Variants in RBFOX1 observed in about 807,000 individuals in gnomAD.
RBFOX1 encodes RNA binding fox-1 homolog 1.
Under a neutral mutation model 57.7 loss-of-function variants are expected in RBFOX1, and 8 were observed. The observed-to-expected ratio is 0.14, with a 90% confidence interval of 0.08 to 0.25. RBFOX1 has a LOEUF of 0.25. Among genes scored for constraint, RBFOX1 ranks in the 10% least tolerant of loss-of-function variants. The probability of loss-of-function intolerance (pLI) is 1.00; values close to 1 mark genes in which losing one functional copy is unlikely to be tolerated. For missense variants in RBFOX1, 611 were observed against 548.5 expected, an observed-to-expected ratio of 1.11 and a Z score of -1.14; for synonymous variants, 326 against 222.4, an observed-to-expected ratio of 1.47 and a Z score of -4.15.
intron 3 of RBFOX1, among the ~76,000 whole-genome samples, chr16:5,856,216 T>TAC (rs2057042038): frequency 4.5e-5 from 1 of 22,266 alleles, no homozygotes; most frequent in Non-Finnish European, 1.2e-4. Context: ...TACATATATA[T>TAC]GTATATATAT....
intron 3 of RBFOX1, among the ~76,000 whole-genome samples, chr16:5,828,046 C>T (rs2056135428): frequency 6.6e-6 from 1 of 151,236 alleles, no homozygotes; most frequent in Non-Finnish European, 1.5e-5. Flanking sequence ...TGTATCCATC[C>T]ATCTACCCAC....
At chr16:7,702,484 G>C (rs1438243702) in intron 14 of RBFOX1, among the ~76,000 whole-genome samples, 1 of 152,184 alleles carries the variant, frequency 6.6e-6, no homozygotes, top group Admixed American at 6.5e-5. Context: ...TTAGTGACGA[G>C]TATGGGATGG....
chr16:6,797,017 A>G (rs144853759), intron 3 of RBFOX1, among the ~76,000 whole-genome samples: 4 of 152,276 alleles, frequency 2.6e-5, no homozygotes, highest in South Asian at 2.1e-4. Flanking sequence ...CTAAATGTCA[A>G]GATTTGGACT....
At chr16:5,774,486 C>T (rs1220446760) in intron 3 of RBFOX1, among the ~76,000 whole-genome samples, 1 of 152,210 alleles carries the variant, frequency 6.6e-6, no homozygotes, top group African/African-American at 2.4e-5. Flanking sequence ...GCCTCTCTGG[C>T]TTTCTTCAAT....
intron 2 of RBFOX1, among the ~76,000 whole-genome samples, chr16:6,623,641 G>C (rs1183365674): frequency 6.6e-6 from 1 of 151,184 alleles, no homozygotes; most frequent in Non-Finnish European, 1.5e-5. Flanking sequence ...TCCCCTTCCT[G>C]TGTCCATGTG....
chr16:7,305,142 T>G (rs545700175), intron 4 of RBFOX1, among the ~76,000 whole-genome samples: 10 of 149,438 alleles, frequency 6.7e-5, no homozygotes, highest in South Asian at 2.1e-4. Context: ...CGTGTGTGGG[T>G]TTTTTTTTCC....
intron 4 of RBFOX1, among the ~76,000 whole-genome samples, chr16:7,225,905 A>AATATATATATATATATATAT (rs1555600461): frequency 4.8e-4 from 45 of 93,732 alleles, no homozygotes; most frequent in African/African-American, 1.4e-3. Context: ...AAGTATAATA[A>AATATATATATATATATATAT]ATATATATAT....
At chr16:5,396,571 G>A (rs545326750) in intron 1 of RBFOX1, among the ~76,000 whole-genome samples, 27 of 152,264 alleles carry the variant, frequency 1.8e-4, no homozygotes, top group African/African-American at 5.5e-4. Context: ...GAACTCAGGC[G>A]GCAGAGGTTG....
chr16:6,711,489 C>T (rs1200213143), intron 3 of RBFOX1, among the ~76,000 whole-genome samples: 4 of 152,144 alleles, frequency 2.6e-5, no homozygotes, highest in African/African-American at 9.7e-5. Flanking sequence ...GTGACTGGGT[C>T]ATGCTGTTCT....
At chr16:6,921,656 T>TTC (rs1424697950) in intron 3 of RBFOX1, among the ~76,000 whole-genome samples, 27 of 150,520 alleles carry the variant, frequency 1.8e-4, no homozygotes, top group Non-Finnish European at 3.1e-4. Context: ...TTTTTTTTTT[T>TTC]CTTAGGGTTG....
chr16:6,688,966 C>G (rs914261703), intron 3 of RBFOX1, among the ~76,000 whole-genome samples: 13 of 146,774 alleles, frequency 8.9e-5, no homozygotes, highest in Admixed American at 2.7e-4. Context: ...AGGATATGAA[C>G]TCATCCTTTT....
chr16:7,366,383 A>C (rs971787355), intron 4 of RBFOX1, among the ~76,000 whole-genome samples: 2 of 152,194 alleles, frequency 1.3e-5, no homozygotes, highest in Admixed American at 6.5e-5. Flanking sequence ...GCATGTTTCC[A>C]GGGAAGCTGC....
At chr16:7,281,557 C>T (rs1279196368) in intron 4 of RBFOX1, among the ~76,000 whole-genome samples, 1 of 152,072 alleles carries the variant, frequency 6.6e-6, no homozygotes, top group Non-Finnish European at 1.5e-5. Flanking sequence ...AACTACTATT[C>T]TTATTAGCAT....
intron 1 of RBFOX1, among the ~76,000 whole-genome samples, chr16:6,161,482 C>G (rs1597922202): frequency 6.6e-6 from 1 of 152,008 alleles, no homozygotes; most frequent in African/African-American, 2.4e-5. Context: ...AACAAAATAG[C>G]CCACACAAGG....
intron 4 of RBFOX1, among the ~76,000 whole-genome samples, chr16:5,999,924 T>G (rs1477397070): frequency 2.5e-5 from 2 of 81,032 alleles, no homozygotes; most frequent in Admixed American, 1.4e-4. Flanking sequence ...AGAAGGGAAA[T>G]CAGACAAGGA....
At chr16:6,852,046 C>G (rs549899644) in intron 3 of RBFOX1, among the ~76,000 whole-genome samples, 1 of 151,648 alleles carries the variant, frequency 6.6e-6, no homozygotes, top group South Asian at 2.1e-4. Flanking sequence ...CTGACTCAGT[C>G]TCTTGAGTAG....
At chr16:6,513,542 T>C (rs1335973702) in intron 2 of RBFOX1, among the ~76,000 whole-genome samples, 1 of 152,140 alleles carries the variant, frequency 6.6e-6, no homozygotes, top group Admixed American at 6.5e-5. Context: ...GAGACCAGCC[T>C]AGCCAACATG....
chr16:7,040,053 G>T (rs138387151), intron 3 of RBFOX1, among the ~76,000 whole-genome samples: 3 of 151,398 alleles, frequency 2.0e-5, no homozygotes, highest in African/African-American at 7.3e-5. Context: ...ACAAAGTCTT[G>T]CTCTGTCACC....
At chr16:5,700,970 A>G (rs1394118507) in intron 3 of RBFOX1, among the ~76,000 whole-genome samples, 2 of 152,224 alleles carry the variant, frequency 1.3e-5, no homozygotes, top group African/African-American at 4.8e-5. Context: ...GAATGCTACT[A>G]CTTCCAAAAG....
Sources: allele counts gnomAD v4.1 joint callset (sites outside exome capture counted in the v4.1 genomes callset), GRCh38; gene constraint gnomAD v4.1.1; transcripts MANE v1.5; gene names NCBI Gene and HGNC (gene_info 2026-07-23, HGNC 2026-07-21).